UNC5A: variants seen among roughly 807,000 people sequenced by gnomAD.
The protein encoded by UNC5A is netrin receptor UNC5A.
UNC5A carries 20 observed loss-of-function variants against 87.4 expected under a neutral mutation model. That is an observed-to-expected ratio of 0.23 (90% CI 0.16 to 0.33). UNC5A has a LOEUF of 0.33. Ranked by LOEUF, UNC5A falls within the 10% of genes least tolerant of loss-of-function variation. The pLI, the probability that UNC5A is intolerant of heterozygous loss-of-function variation, is 1.00. For synonymous variants in UNC5A, 438 were observed against 482.3 expected (o/e 0.91, Z 1.20); for missense variants, 844 against 1,133.4 (o/e 0.74, Z 3.67).
intron 1 of UNC5A, among the ~76,000 whole-genome samples, chr5:176,850,225 G>A (rs750231924): frequency 6.6e-5 from 10 of 152,362 alleles, no homozygotes; most frequent in Non-Finnish European, 1.2e-4. Flanking sequence ...CGGGGTGTGA[G>A]CCCTAACTTT....
At chr5:176,839,378 A>G (rs1483182180) in intron 1 of UNC5A, among the ~76,000 whole-genome samples, 1 of 152,240 alleles carries the variant, frequency 6.6e-6, no homozygotes, top group African/African-American at 2.4e-5. Context: ...CCTGATCCGC[A>G]GGCAGTGAGG....
rs1757343938 is a variant in UNC5A at position 176,844,105 on chromosome 5, G to A, written c.71-18519G>A. 6.6e-6 allele frequency among the ~76,000 whole-genome samples: 1 copy of A among 152,256 alleles called. No homozygotes were observed. The highest frequency in any genetic ancestry group is 2.4e-5 in the African/African-American group (1 of 41,468). On this transcript the variant is annotated intron_variant, in intron 1 of 14. Transcript: ENST00000329542. This position sits in a 1 kb window ranked among gnomAD's most constrained non-coding sequence, Gnocchi z 4.2. ...AGGAGGGGCCCTGAGACATGGAAAC[G>A]AGTGGAGGGCTGGAGAGAGTTCAGC...
Position 176,874,262 on chromosome 5 carries a change from A to G in UNC5A, c.1076-2A>G, listed in dbSNP as rs1296845419. The G allele has an allele frequency of 6.3e-7, 1 of 1,583,634 alleles. No individual in the cohort carries two copies. The highest frequency in any genetic ancestry group is 8.6e-7 in the Non-Finnish European group (1 of 1,163,320). ...TTGCCTGAGTCTGTCTTTATCCTGCAGACAACCCCCATCTGCTCACCATCC... is the reference window on the plus strand; with the variant it reads ...TTGCCTGAGTCTGTCTTTATCCTGCGGACAACCCCCATCTGCTCACCATCC... On this transcript the variant is annotated splice_acceptor_variant, in intron 7 of 14. Coordinates refer to ENST00000329542, the MANE Select transcript of UNC5A (RefSeq NM_133369.3). LOFTEE classifies it high-confidence loss of function. This position sits in a 1 kb window ranked among gnomAD's most constrained non-coding sequence, Gnocchi z 7.6.
intron 1 of UNC5A, among the ~76,000 whole-genome samples, chr5:176,852,442 G>A (rs978653513): frequency 3.9e-5 from 6 of 152,094 alleles, no homozygotes; most frequent in East Asian, 1.9e-4. Context: ...GCAGGAAAGC[G>A]CCTTCCTTCC....
intron 1 of UNC5A, among the ~76,000 whole-genome samples, chr5:176,819,102 A>G (rs968989427): frequency 2.0e-5 from 3 of 152,184 alleles, no homozygotes; most frequent in East Asian, 3.9e-4. Context: ...TCAGTTGGTT[A>G]AGACAGGGCT....
At chr5:176,813,110 C>T (rs983639988) in intron 1 of UNC5A, among the ~76,000 whole-genome samples, 5 of 152,214 alleles carry the variant, frequency 3.3e-5, no homozygotes, top group African/African-American at 4.8e-5. Context: ...TCAGCATGCT[C>T]GCACCTGCAG....
intron 13 of UNC5A, 40 bp from the exon 14 acceptor site, chr5:176,879,270 G>A: frequency 2.0e-6 from 3 of 1,534,266 alleles, no homozygotes; most frequent in Non-Finnish European, 2.6e-6. Context: ...CCGGGCCTGG[G>A]GAAAGTTCTA....
intron 1 of UNC5A, among the ~76,000 whole-genome samples, chr5:176,826,930 C>G (rs1009935785): frequency 1.3e-5 from 2 of 151,842 alleles, no homozygotes; most frequent in Admixed American, 1.3e-4. Context: ...TGAGCCACCG[C>G]GCCCGGCCCA....
At chr5:176,836,831 T>C (rs1463012125) in intron 1 of UNC5A, among the ~76,000 whole-genome samples, 1 of 152,194 alleles carries the variant, frequency 6.6e-6, no homozygotes, top group Non-Finnish European at 1.5e-5. Flanking sequence ...CTAGAGGTGA[T>C]ACAGGCTGGA....
chr5:176,868,598 G>C lies in UNC5A; in HGVS notation c.474G>C (p.Lys158Asn). 6.2e-7 allele frequency: 1 copy of C among 1,607,224 alleles called. No homozygotes were observed. The highest frequency in any genetic ancestry group is 1.3e-5 in the African/African-American group (1 of 74,978). Residue 158 changes from lysine (K) to asparagine (N), a missense_variant, in exon 4 of 15, where the codon AAG becomes AAC. By Grantham distance (94) the Lys-to-Asn change is moderately conservative. Coordinates refer to ENST00000329542, the MANE Select transcript of UNC5A (RefSeq NM_133369.3). ...ACTTCGAGCAGGAGCCGCTGGCCAAGGAGGTGTCCCTGGAGCAGGGCATCG... is the reference window on the plus strand; with the variant it reads ...ACTTCGAGCAGGAGCCGCTGGCCAACGAGGTGTCCCTGGAGCAGGGCATCG... ...RKNFEQEPLA[K>N]EVSLEQGIVL...
chr5:176,833,833 C>G (rs931666479), intron 1 of UNC5A, among the ~76,000 whole-genome samples: 1 of 151,866 alleles, frequency 6.6e-6, no homozygotes, highest in Non-Finnish European at 1.5e-5. Context: ...CTCAGCCTCC[C>G]GAGTAGCTGG....
In UNC5A at chr5:176,824,382, C is replaced by G. The variant is rs189033961; in HGVS notation, c.70+13562C>G. On this transcript the variant is annotated intron_variant, in intron 1 of 14. Transcript: ENST00000329542. This position sits in a 1 kb window ranked among gnomAD's most constrained non-coding sequence, Gnocchi z 4.2. ...TTAACAGCCTTCCTGGCCCTAGATCCACAAACTTCCCGCTTTAACGCCCGT... is the reference window on the plus strand; with the variant it reads ...TTAACAGCCTTCCTGGCCCTAGATCGACAAACTTCCCGCTTTAACGCCCGT... 1.1e-4 allele frequency among the ~76,000 whole-genome samples: 17 copies of G among 152,136 alleles called. No homozygotes were observed. The highest frequency in any genetic ancestry group is 5.9e-4 in the Admixed American group (9 of 15,276).
intron 3 of UNC5A, 124 bp from the exon 4 acceptor site, chr5:176,868,437 C>A: frequency 7.0e-7 from 1 of 1,422,762 alleles, no homozygotes; most frequent in Non-Finnish European, 9.6e-7. Context: ...CACCCCATGG[C>A]CCCCTGGCCA....
chr5:176,830,487 G>A (rs1163792856), intron 1 of UNC5A, among the ~76,000 whole-genome samples: 2 of 143,400 alleles, frequency 1.4e-5, no homozygotes, highest in Non-Finnish European at 3.1e-5. Context: ...TGTGTGTGCC[G>A]GCGTATGTGT....
At chr5:176,872,683 T>C (rs1473643457) in intron 6 of UNC5A, among the ~76,000 whole-genome samples, 1 of 78,336 alleles carries the variant, frequency 1.3e-5, no homozygotes. Context: ...CTGCCCACAC[T>C]CACCCCACAC....
intron 1 of UNC5A, among the ~76,000 whole-genome samples, chr5:176,830,516 ATGTG>A (rs568529183): frequency 8.5e-6 from 1 of 117,152 alleles, no homozygotes; most frequent in South Asian, 2.8e-4. Context: ...GTGTGCTGGC[ATGTG>A]TGTGTGTGGG....
At chr5:176,870,848 G>GC (rs1758093629) in intron 6 of UNC5A, among the ~76,000 whole-genome samples, 1 of 92,142 alleles carries the variant, frequency 1.1e-5, no homozygotes, top group African/African-American at 4.3e-5. Flanking sequence ...ATCTGCCCAC[G>GC]CTCACCCCAC....
intron 5 of UNC5A, among the ~76,000 whole-genome samples, chr5:176,870,041 G>A (rs1175408608): frequency 6.6e-6 from 1 of 152,214 alleles, no homozygotes; most frequent in Non-Finnish European, 1.5e-5. Flanking sequence ...GCTCAGCCCA[G>A]GGCTGCAGAG....
chr5:176,823,550 G>A (rs944193163), intron 1 of UNC5A, among the ~76,000 whole-genome samples: 6 of 152,086 alleles, frequency 3.9e-5, no homozygotes, highest in African/African-American at 1.2e-4. Context: ...CGGGAAAGGT[G>A]GATTTACTTG....
Sources: gnomAD v4.1 joint callset for allele counts (sites outside exome capture counted in the v4.1 genomes callset) on GRCh38, gnomAD v4.1.1 for gene constraint, Gnocchi (gnomAD v3.1) non-coding constraint, MANE v1.5 for transcripts, NCBI Gene and HGNC (gene_info 2026-07-23, HGNC 2026-07-21) for gene names.